Variants in ZNF10 observed in about 807,000 individuals in gnomAD.
ZNF10 encodes zinc finger protein 10, also known as zinc finger protein 10 (KOX 1).
In ZNF10, 8 loss-of-function variants were observed where a neutral mutation model predicts 12.2. That is an observed-to-expected ratio of 0.66 (90% confidence interval 0.39 to 1.18). ZNF10 has a LOEUF of 1.18. Ranked by LOEUF, ZNF10 falls within the 50% of genes most tolerant of loss-of-function variation. The probability of loss-of-function intolerance (pLI) is 0.01; values close to 1 mark genes in which losing one functional copy is unlikely to be tolerated. For synonymous variants in ZNF10, 229 were observed against 228.2 expected, an observed-to-expected ratio of 1.00 and a Z score of -0.03; for missense variants, 603 against 678.9, an observed-to-expected ratio of 0.89 and a Z score of 1.24.
chr12:133,149,626 G>A (rs918321058), intron 2 of ZNF10, among the ~76,000 whole-genome samples: 2 of 150,972 alleles, frequency 1.3e-5, no homozygotes, highest in African/African-American at 2.4e-5. Context: ...CAAAGTGCTG[G>A]GATTACAGGT....
At chr12:133,134,304 C>T (rs1228294986) in intron 1 of ZNF10, among the ~76,000 whole-genome samples, 2 of 151,328 alleles carry the variant, frequency 1.3e-5, no homozygotes, top group East Asian at 3.9e-4. Flanking sequence ...CAGAGCAAGA[C>T]TCCCTCTCAA....
chr12:133,151,150 C>T lies in ZNF10; in HGVS notation c.156C>T (p.Ser52=), dbSNP rs563032018. ...TGGAGAACTATAAGAACCTGGTTTC[C>T]TTGGGTAAGACTAGCTCTGTTTTTG... ...VMLENYKNLV[S]LGYQLTKPDV... Residue 52 remains serine (S), a synonymous_variant, in exon 3 of 5, where the codon TCC becomes TCT. Transcript: ENST00000248211. 2.7e-5 allele frequency: 44 copies of T among 1,612,138 alleles called. 1 individual carries two copies. The South Asian group carries it at 4.7e-4, about 17-fold the overall frequency.
chr12:133,155,447 A>G, intron 4 of ZNF10, 56 bp from the exon 5 acceptor site: 1 of 1,507,864 alleles, frequency 6.6e-7, no homozygotes, highest in Non-Finnish European at 8.9e-7. Context: ...CATACATCCT[A>G]GCATTCTCAC....
chr12:133,150,992 A>G (rs1235212189), intron 2 of ZNF10, 36 bp from the exon 3 acceptor site: 1 of 1,601,380 alleles, frequency 6.2e-7, no homozygotes, highest in African/African-American at 1.3e-5. Flanking sequence ...GCAAAGATGC[A>G]TATCTGGTGC....
At chr12:133,132,993 C>T (rs1252438129) in intron 1 of ZNF10, among the ~76,000 whole-genome samples, 3 of 152,110 alleles carry the variant, frequency 2.0e-5, no homozygotes, top group African/African-American at 7.2e-5. Flanking sequence ...AGTAAATTGA[C>T]ATGGGTACGT....
intron 4 of ZNF10, among the ~76,000 whole-genome samples, chr12:133,152,725 T>C (rs1035229321): frequency 6.6e-6 from 1 of 152,152 alleles, no homozygotes; most frequent in African/African-American, 2.4e-5. Flanking sequence ...CTCTATCTAG[T>C]TTTGTATTTA....
At chr12:133,146,611 G>A (rs1375177151) in intron 2 of ZNF10, among the ~76,000 whole-genome samples, 4 of 152,110 alleles carry the variant, frequency 2.6e-5, no homozygotes, top group South Asian at 4.2e-4. Context: ...TTTGGGAGGC[G>A]GAGGCGGGTG....
At chr12:133,142,609 T>G (rs1955952506) in intron 1 of ZNF10, among the ~76,000 whole-genome samples, 1 of 152,042 alleles carries the variant, frequency 6.6e-6, no homozygotes, top group African/African-American at 2.4e-5. Context: ...CTCAACATCA[T>G]CACTCGTTAG....
At chr12:133,139,962 G>A (rs901833859) in intron 1 of ZNF10, among the ~76,000 whole-genome samples, 8 of 151,910 alleles carry the variant, frequency 5.3e-5, no homozygotes, top group Admixed American at 2.0e-4. Flanking sequence ...CCAGTACTTT[G>A]AGAGGCCAAA....
chr12:133,156,360 AC>A lies in ZNF10; in HGVS notation c.1115del (p.Thr372MetfsTer29). ...GCTTATTAGACACCAGAGGACACAT[AC>A]TGGAGAGAAACCCTATGAATGTCCT... The part of the protein sequence containing the change: ...SRLIRHQRTH[T>X]GEKPYECPEC... On this transcript the variant is annotated frameshift_variant, in exon 5 of 5. Coordinates refer to ENST00000248211, the MANE Select transcript of ZNF10 (RefSeq NM_015394.5). LOFTEE classifies it low-confidence loss of function (END_TRUNC). 1 of 1,614,112 alleles carries A rather than the reference AC, an allele frequency of 6.2e-7. No homozygotes were observed. Among genetic ancestry groups the A allele is most frequent in the South Asian group, 1.1e-5 (1 of 91,076 alleles).
chr12:133,141,552 A>T (rs938836649), intron 1 of ZNF10, among the ~76,000 whole-genome samples: 3 of 152,348 alleles, frequency 2.0e-5, no homozygotes, highest in Middle Eastern at 3.4e-3. Context: ...ATTGCCTGAA[A>T]TGAAAATATA....
In ZNF10 at chr12:133,157,886, C is replaced by T. The variant is rs1418222644; in HGVS notation, c.*918C>T. 1.3e-5 allele frequency: 2 copies of T among 152,102 alleles called. No individual in the cohort carries two copies. Among genetic ancestry groups the T allele is most frequent in the Non-Finnish European group, 2.9e-5 (2 of 68,030 alleles). The allele number at this position is 152,102 out of a possible 1,614,324, so 9.4% of individuals were successfully genotyped here. A position where few individuals can be genotyped will look rare whatever the true frequency, so the allele number is the denominator to read the frequency against. On this transcript the variant is annotated 3_prime_UTR_variant, in exon 5 of 5. Transcript: ENST00000248211. ...TGTTAGGACCTAGGGGAACATTGGG[C>T]ATTTGAACATATCAGGGAGGGTCCC...
intron 2 of ZNF10, among the ~76,000 whole-genome samples, chr12:133,145,906 T>C (rs139687551): frequency 6.6e-6 from 1 of 151,882 alleles, no homozygotes; most frequent in Non-Finnish European, 1.5e-5. Context: ...GGTTCTTGGC[T>C]AACATGTCAT....
intron 3 of ZNF10, 35 bp from the exon 4 acceptor site, chr12:133,151,772 GAC>G: frequency 6.3e-7 from 1 of 1,575,138 alleles, no homozygotes; most frequent in Non-Finnish European, 8.7e-7. Context: ...GAGCTCCCCT[GAC>G]TCTTACCCTG....
intron 2 of ZNF10, chr12:133,145,088 T>C: frequency 3.6e-6 from 1 of 279,176 alleles, no homozygotes; most frequent in South Asian, 2.9e-5. Flanking sequence ...TTCACTGTGT[T>C]AGCCAGTCTC....
At chr12:133,154,430 AATG>A (rs527267756) in intron 4 of ZNF10, among the ~76,000 whole-genome samples, 26 of 152,290 alleles carry the variant, frequency 1.7e-4, no homozygotes, top group African/African-American at 6.0e-4. Context: ...AAATGAGAAG[AATG>A]ATGATGATTA....
intron 1 of ZNF10, among the ~76,000 whole-genome samples, chr12:133,132,724 G>T (rs577843492): frequency 6.6e-6 from 1 of 152,112 alleles, no homozygotes; most frequent in Non-Finnish European, 1.5e-5. Flanking sequence ...TCTTTGACTC[G>T]TAATGAACAT....
Position 133,156,313 on chromosome 12 carries a change from A to C in ZNF10, c.1067A>C (p.Lys356Thr). ...CTGTACACATGTAATCAGTGTGGGA[A>C]ATCTTTTGTTCATAGCTCTAGGCTT... ...DKLYTCNQCG[K>T]SFVHSSRLIR... The change falls in exon 5 of 5, where the codon AAA (lysine) becomes ACA (threonine). Residue 356 changes from lysine to threonine, a missense_variant. By Grantham distance (78) the Lys-to-Thr change is moderately conservative. Around this residue, in one of 3 missense-constraint regions of ZNF10, gnomAD observed 204 missense variants for 262.8 expected, o/e 0.78. Coordinates refer to ENST00000248211, the MANE Select transcript of ZNF10 (RefSeq NM_015394.5). The C allele has an allele frequency of 1.2e-6, 2 of 1,614,192 alleles. No individual in the cohort carries two copies. Among genetic ancestry groups the C allele is most frequent in the Non-Finnish European group, 1.7e-6 (2 of 1,180,038 alleles).
intron 4 of ZNF10, among the ~76,000 whole-genome samples, chr12:133,152,527 G>A (rs1046621473): frequency 6.6e-6 from 1 of 152,046 alleles, no homozygotes; most frequent in Non-Finnish European, 1.5e-5. Flanking sequence ...CGATTCTTCC[G>A]CCTTAGCCTC....
Sources: gnomAD v4.1 joint callset for allele counts (sites outside exome capture counted in the v4.1 genomes callset) on GRCh38, gnomAD v4.1.1 for gene constraint, gnomAD v4.1.1 regional missense constraint, MANE v1.5 for transcripts, NCBI Gene and HGNC (gene_info 2026-07-23, HGNC 2026-07-21) for gene names.